UTP25: variants seen among roughly 807,000 people sequenced by gnomAD.
The protein encoded by UTP25 is U3 small nucleolar RNA-associated protein 25 homolog.
A neutral mutation model predicts 78.9 loss-of-function variants in UTP25; 50 were observed. That is an observed-to-expected ratio of 0.63 (90% CI 0.50 to 0.80). The LOEUF (loss-of-function observed/expected upper bound fraction) is 0.80, where lower values mean the gene tolerates loss of function less well. Ranked by LOEUF, UTP25 falls within the 30% of genes least tolerant of loss-of-function variation. UTP25 has a pLI of 0.00. For missense variants in UTP25, 846 were observed against 911.3 expected (o/e 0.93, Z 0.92); for synonymous variants, 329 against 336.5 (o/e 0.98, Z 0.24).
At position 209,856,576 on chromosome 1, in the gene UTP25, T is replaced by A. The variant is rs574292203; in HGVS notation, c.*5129T>A. ...ATACCAGTCCTGCATGGTATTCCTG[T>A]GCACTACTGTTACGTGAACACACAA... is the stretch of plus-strand genomic sequence containing the variant. On this transcript the variant is annotated 3_prime_UTR_variant, in exon 12 of 12. Transcript: ENST00000491415. 6 of 152,400 alleles carry A rather than the reference T, an allele frequency of 3.9e-5. No individual in the cohort carries two copies. Among genetic ancestry groups the A allele is most frequent in the Admixed American group, 2.0e-4 (3 of 15,306 alleles). The allele number at this position is 152,400 out of a possible 1,614,324, so 9.4% of individuals were successfully genotyped here.
intron 8 of UTP25, among the ~76,000 whole-genome samples, chr1:209,841,433 A>C (rs1241776022): frequency 6.6e-6 from 1 of 152,158 alleles, no homozygotes; most frequent in Non-Finnish European, 1.5e-5. Flanking sequence ...GTTTTTGCTT[A>C]TGCTGTTTTG....
chr1:209,834,788 T>A (rs982049218), intron 4 of UTP25, among the ~76,000 whole-genome samples: 1 of 152,202 alleles, frequency 6.6e-6, no homozygotes, highest in Non-Finnish European at 1.5e-5. Context: ...AGTCCAGAAA[T>A]GATAACGGAG....
Position 209,854,949 on chromosome 1 carries a change from ATCTTCATTACCAAATTTCTACTCCACACT to A in UTP25, c.*3504_*3532del, listed in dbSNP as rs1000745860. 1 of 152,148 alleles carries A rather than the reference ATCTTCATTACCAAATTTCTACTCCACACT, an allele frequency of 6.6e-6. No individual in the cohort carries two copies. Among genetic ancestry groups the A allele is most frequent in the Non-Finnish European group, 1.5e-5 (1 of 68,032 alleles). 9.4% of individuals were successfully genotyped at this position (152,148 alleles called of 1,614,324 possible). A position where few individuals can be genotyped will look rare whatever the true frequency, so the allele number is the denominator to read the frequency against. On this transcript the variant is annotated 3_prime_UTR_variant, in exon 12 of 12. Coordinates refer to ENST00000491415, the MANE Select transcript of UTP25 (RefSeq NM_014388.7). ...TTTCTCTCAAAGGAGCATGGTAGTG[ATCTTCATTACCAAATTTCTACTCCACACT>A]TATTTTAAAAAGCTTTTCTGAAAGC...
chr1:209,836,847 TG>T lies in UTP25; in HGVS notation c.700del (p.Glu234LysfsTer11). On this transcript the variant is annotated frameshift_variant, in exon 6 of 12. Transcript: ENST00000491415. LOFTEE classifies it high-confidence loss of function. ...TTCTTTTCCTCTAAGTTTCAGAAGT[TG>T]GAAACATTTAAACCCCCAAAGGATA... is the stretch of plus-strand genomic sequence containing the variant. The part of the protein sequence containing the change: ...QLFFSSKFQK[L>X]ETFKPPKDID... 1 of 1,612,224 alleles carries T rather than the reference TG, an allele frequency of 6.2e-7. No individual in the cohort carries two copies.
Position 209,847,088 on chromosome 1 carries a change from A to AT in UTP25, c.2027+3401dup, listed in dbSNP as rs538064326. On this transcript the variant is annotated intron_variant, in intron 11 of 11. Coordinates refer to ENST00000491415, the MANE Select transcript of UTP25 (RefSeq NM_014388.7). ...ATTAGGATCTTTTTTTGTTTTAAGG[A>AT]TTTTTTTTTCCTTTGTCTTAGATGT... 1.6e-3 allele frequency among the ~76,000 whole-genome samples: 249 copies of AT among 150,952 alleles called. 1 individual carries two copies. The highest frequency in any genetic ancestry group is 6.8e-3 in the Middle Eastern group (2 of 292).
At chr1:209,830,718 G>T in intron 2 of UTP25, 85 bp from the exon 3 acceptor site, 1 of 1,508,760 alleles carries the variant, frequency 6.6e-7, no homozygotes, top group Non-Finnish European at 8.9e-7. Flanking sequence ...GGGCTTCGTT[G>T]AATAGATGTT....
intron 11 of UTP25, among the ~76,000 whole-genome samples, chr1:209,849,231 C>T (rs1303679219): frequency 1.3e-5 from 2 of 152,140 alleles, no homozygotes; most frequent in South Asian, 2.1e-4. Context: ...CCGCTACCTC[C>T]GTGGCAGCCA....
At chr1:209,840,044 G>C (rs1048111478) in intron 7 of UTP25, among the ~76,000 whole-genome samples, 1 of 152,230 alleles carries the variant, frequency 6.6e-6, no homozygotes, top group African/African-American at 2.4e-5. Flanking sequence ...AGAGGCATCA[G>C]GGTGACTAAG....
At chr1:209,831,990 TTA>T (rs1491446320) in intron 3 of UTP25, among the ~76,000 whole-genome samples, 2 of 139,356 alleles carry the variant, frequency 1.4e-5, no homozygotes, top group Non-Finnish European at 3.1e-5. Flanking sequence ...TCTTATAGCC[TTA>T]TTTTTTTTTT....
intron 11 of UTP25, among the ~76,000 whole-genome samples, chr1:209,849,557 G>A (rs925915557): frequency 3.9e-5 from 6 of 151,988 alleles, no homozygotes; most frequent in Non-Finnish European, 1.5e-5. Context: ...TGTGCTTCAC[G>A]TTTTTACCAT....
At chr1:209,845,138 G>T (rs1402079299) in intron 11 of UTP25, among the ~76,000 whole-genome samples, 1 of 152,230 alleles carries the variant, frequency 6.6e-6, no homozygotes, top group East Asian at 1.9e-4. Flanking sequence ...CGTCCCAGCA[G>T]CTTGCCTAGG....
At chr1:209,849,566 A>T (rs1266547473) in intron 11 of UTP25, among the ~76,000 whole-genome samples, 1 of 151,904 alleles carries the variant, frequency 6.6e-6, no homozygotes, top group Non-Finnish European at 1.5e-5. Context: ...CGTTTTTACC[A>T]TGGGTTTCAC....
At position 209,841,085 on chromosome 1, in the gene UTP25, C is replaced by G. The variant is rs148334319; in HGVS notation, c.1485+30C>G. 4.8e-4 allele frequency: 772 copies of G among 1,610,982 alleles called. 3 individuals carry two copies. In the African/African-American group the frequency reaches 9.2e-3, roughly 19 times the overall value. On this transcript the variant is annotated intron_variant, in intron 8 of 11. Coordinates refer to ENST00000491415, the MANE Select transcript of UTP25 (RefSeq NM_014388.7). ...TGCTGGCCATTCACATTCAGTGGGA[C>G]AGTATTCATATTTAGAGGGATAAGA...
At chr1:209,833,752 A>G (rs1225054817) in intron 4 of UTP25, among the ~76,000 whole-genome samples, 1 of 152,210 alleles carries the variant, frequency 6.6e-6, no homozygotes, top group Non-Finnish European at 1.5e-5. Flanking sequence ...AGGGGTGGCT[A>G]ATCTGAGTGG....
chr1:209,833,048 G>A, intron 3 of UTP25, 137 bp from the exon 4 acceptor site: 1 of 874,396 alleles, frequency 1.1e-6, no homozygotes, highest in Non-Finnish European at 1.7e-6. Context: ...TGAAATCTAT[G>A]TTTTCTACCT....
chr1:209,840,001 G>A (rs1419860666), intron 7 of UTP25, among the ~76,000 whole-genome samples: 1 of 152,186 alleles, frequency 6.6e-6, no homozygotes, highest in African/African-American at 2.4e-5. Flanking sequence ...GCTGAGTGGA[G>A]GAAAACATTT....
At chr1:209,847,331 C>T (rs2078203172) in intron 11 of UTP25, among the ~76,000 whole-genome samples, 1 of 152,144 alleles carries the variant, frequency 6.6e-6, no homozygotes, top group South Asian at 2.1e-4. Flanking sequence ...CCCCAAATTC[C>T]ACCAGCTGTT....
At chr1:209,832,888 T>C (rs1293815528) in intron 3 of UTP25, among the ~76,000 whole-genome samples, 1 of 152,010 alleles carries the variant, frequency 6.6e-6, no homozygotes, top group Non-Finnish European at 1.5e-5. Flanking sequence ...TGTCTCAATA[T>C]ATAAATAAAT....
At position 209,854,417 on chromosome 1, in the gene UTP25, A is replaced by G. The variant is rs1216023764; in HGVS notation, c.*2970A>G. 1 of 152,232 alleles carries G rather than the reference A, an allele frequency of 6.6e-6. No homozygotes were observed. The highest frequency in any genetic ancestry group is 1.5e-5 in the Non-Finnish European group (1 of 68,044). The allele number at this position is 152,232 out of a possible 1,614,324, so 9.4% of individuals were successfully genotyped here. The stretch of plus-strand genomic sequence containing the variant: ...AACAAGAACAAGCTAATCATAGAGA[A>G]CCAGCAGCAGCTAAACAGCCCTCTG... On this transcript the variant is annotated 3_prime_UTR_variant, in exon 12 of 12. Coordinates refer to ENST00000491415, the MANE Select transcript of UTP25 (RefSeq NM_014388.7).
Sources: gnomAD v4.1 joint callset for allele counts (sites outside exome capture counted in the v4.1 genomes callset) on GRCh38, gnomAD v4.1.1 for gene constraint, MANE v1.5 for transcripts, NCBI Gene and HGNC (gene_info 2026-07-23, HGNC 2026-07-21) for gene names.